Variants in SORCS1 observed in about 807,000 individuals in gnomAD.
The protein encoded by SORCS1 is VPS10 domain-containing receptor SorCS1.
A neutral mutation model predicts 146.1 loss-of-function variants in SORCS1; 60 were observed. The ratio of observed to expected loss-of-function variants is 0.41; its 90% CI spans 0.33 to 0.51. The LOEUF (loss-of-function observed/expected upper bound fraction) is 0.51. Among genes scored for constraint, SORCS1 ranks in the 20% least tolerant of loss-of-function variants. The pLI, the probability that SORCS1 is intolerant of heterozygous loss-of-function variation, is 0.21. For synonymous variants in SORCS1, 637 were observed against 584.0 expected (o/e 1.09, Z -1.31); for missense variants, 1,352 against 1,487.6 (o/e 0.91, Z 1.50).
intron 6 of SORCS1, among the ~76,000 whole-genome samples, chr10:106,714,135 CAAAAAAAAAAAAA>C (rs56275056): frequency 1.9e-5 from 1 of 53,086 alleles, no homozygotes; most frequent in East Asian, 8.3e-4. Context: ...AACTCTGCCT[CAAAAAAAAAAAAA>C]AAAAAAAAAA....
chr10:106,611,137 C>A lies in SORCS1; in HGVS notation c.3033+774G>T, dbSNP rs116447797. On this transcript the variant is annotated intron_variant, in intron 22 of 25. Transcript: ENST00000263054. ...GGAAGATGTGCCTAAAAGAAGGTGT[C>A]TTCTCTAATTGCCAGTGACATTTGC... is the stretch of plus-strand genomic sequence containing the variant. Among the ~76,000 whole-genome samples, 1,063 of 151,948 alleles carry A rather than the reference C, an allele frequency of 7.0e-3. 13 individuals carry two copies. The highest frequency in any genetic ancestry group is 0.024 in the African/African-American group (1,008 of 41,428).
chr10:106,961,431 T>C (rs1399423489), intron 1 of SORCS1, among the ~76,000 whole-genome samples: 4 of 152,238 alleles, frequency 2.6e-5, no homozygotes, highest in Non-Finnish European at 5.9e-5. Context: ...ATTAACTAAG[T>C]AGTAGATGGT....
chr10:107,077,531 GAC>G (rs1399691244), intron 1 of SORCS1, among the ~76,000 whole-genome samples: 1 of 150,954 alleles, frequency 6.6e-6, no homozygotes, highest in Non-Finnish European at 1.5e-5. Context: ...ATTTTATAAA[GAC>G]AGTTAATAAT....
chr10:106,620,674 C>T (rs1282056374), intron 19 of SORCS1, 113 bp from the exon 20 acceptor site: 23 of 1,316,638 alleles, frequency 1.7e-5, no homozygotes, highest in Non-Finnish European at 2.1e-5. Flanking sequence ...ACCTGGCTGC[C>T]ATATTCCCCA....
chr10:106,836,612 T>C (rs1282109256), intron 2 of SORCS1, among the ~76,000 whole-genome samples: 1 of 152,036 alleles, frequency 6.6e-6, no homozygotes, highest in African/African-American at 2.4e-5. Context: ...GAAAACCTAG[T>C]TGAGCATTTT....
chr10:106,762,968 G>T (rs760461725), intron 4 of SORCS1, among the ~76,000 whole-genome samples: 18 of 151,946 alleles, frequency 1.2e-4, no homozygotes, highest in South Asian at 1.0e-3. Context: ...GAGAGTATCC[G>T]CTTCTCTCTC....
intron 1 of SORCS1, among the ~76,000 whole-genome samples, chr10:107,153,234 C>G (rs1350744019): frequency 6.6e-6 from 1 of 152,004 alleles, no homozygotes; most frequent in Non-Finnish European, 1.5e-5. Context: ...TGCTCACAAT[C>G]AGTAAACATC....
At chr10:106,965,228 T>G (rs1235602735) in intron 1 of SORCS1, among the ~76,000 whole-genome samples, 2 of 152,056 alleles carry the variant, frequency 1.3e-5, no homozygotes, top group Non-Finnish European at 2.9e-5. Flanking sequence ...AGGCCTCTGG[T>G]GTATACATGG....
rs957093792 is a variant in SORCS1 at position 106,908,138 on chromosome 10, C to T, written c.626+48375G>A. On this transcript the variant is annotated intron_variant, in intron 2 of 25. Transcript: ENST00000263054. ...TATATGTATGTATTTATATGTCCCT[C>T]TATGGATTTGAATCCCTGGACTCTA... Among the ~76,000 whole-genome samples the T allele has an allele frequency of 3.9e-5, 6 of 152,246 alleles. No homozygotes were observed. In the South Asian group the frequency reaches 1.2e-3, roughly 32 times the overall value.
chr10:106,628,303 C>A (rs997573235), intron 19 of SORCS1, among the ~76,000 whole-genome samples: 1 of 152,202 alleles, frequency 6.6e-6, no homozygotes, highest in Non-Finnish European at 1.5e-5. Flanking sequence ...CTAATTGATA[C>A]TTTCTGTATT....
At chr10:106,782,319 G>A (rs568277248) in intron 3 of SORCS1, among the ~76,000 whole-genome samples, 9 of 152,246 alleles carry the variant, frequency 5.9e-5, no homozygotes, top group African/African-American at 2.2e-4. Flanking sequence ...CGGCTGGAGT[G>A]CAGTTGAATG....
intron 17 of SORCS1, among the ~76,000 whole-genome samples, chr10:106,654,835 T>C (rs570019796): frequency 1.3e-5 from 2 of 152,258 alleles, no homozygotes; most frequent in Non-Finnish European, 2.9e-5. Flanking sequence ...CCTAAGCAAT[T>C]TGAACATCAT....
At chr10:106,892,653 A>G (rs1232073861) in intron 2 of SORCS1, among the ~76,000 whole-genome samples, 1 of 152,164 alleles carries the variant, frequency 6.6e-6, no homozygotes, top group African/African-American at 2.4e-5. Context: ...GCAAGATGTA[A>G]ATATAAATGA....
chr10:106,676,574 A>C (rs1852043335), intron 13 of SORCS1, among the ~76,000 whole-genome samples: 1 of 152,094 alleles, frequency 6.6e-6, no homozygotes, highest in African/African-American at 2.4e-5. Context: ...TGAGGGTGAA[A>C]GTATTATCAC....
At position 106,667,673 on chromosome 10, in the gene SORCS1, T is replaced by C. The variant is rs1313494239; in HGVS notation, c.2303+16A>G. ...GCAAAGGTTGGCCTCTCAAGGTCAC[T>C]ACTCCAGACACTTACCCAGTACTAT... On this transcript the variant is annotated intron_variant, in intron 17 of 25. Transcript: ENST00000263054. The C allele has an allele frequency of 6.3e-7, 1 of 1,598,616 alleles. No individual in the cohort carries two copies. The highest frequency in any genetic ancestry group is 2.2e-5 in the East Asian group (1 of 44,752).
intron 19 of SORCS1, among the ~76,000 whole-genome samples, chr10:106,628,531 T>C (rs373668707): frequency 6.6e-6 from 1 of 152,230 alleles, no homozygotes; most frequent in South Asian, 2.1e-4. Context: ...TAAGCACACA[T>C]AACTTAGAAG....
intron 1 of SORCS1, among the ~76,000 whole-genome samples, chr10:107,109,333 T>A (rs572741444): frequency 6.6e-6 from 1 of 152,336 alleles, no homozygotes; most frequent in East Asian, 1.9e-4. Context: ...TTCTCACACA[T>A]CCTCCAAAAT....
At chr10:107,051,410 A>G (rs182809304) in intron 1 of SORCS1, among the ~76,000 whole-genome samples, 2 of 152,292 alleles carry the variant, frequency 1.3e-5, no homozygotes, top group Admixed American at 6.5e-5. Flanking sequence ...TGTGTCTAGA[A>G]TATTGAATTG....
At chr10:107,046,172 T>C (rs866835132) in intron 1 of SORCS1, among the ~76,000 whole-genome samples, 28 of 152,178 alleles carry the variant, frequency 1.8e-4, no homozygotes, top group African/African-American at 6.7e-4. Flanking sequence ...TCTCAATCTC[T>C]TGAATTCGTG....
Sources: gnomAD v4.1 joint callset for allele counts (sites outside exome capture counted in the v4.1 genomes callset) on GRCh38, gnomAD v4.1.1 for gene constraint, MANE v1.5 for transcripts, NCBI Gene and HGNC (gene_info 2026-07-23, HGNC 2026-07-21) for gene names.